The following CAMK1D variants were observed in gnomAD, a reference collection of about 807,000 sequenced individuals.
CAMK1D encodes the protein calcium/calmodulin-dependent protein kinase type 1D.
In CAMK1D, 9 loss-of-function variants were observed where a neutral mutation model predicts 47.7. The observed-to-expected ratio is 0.19, with a 90% CI of 0.11 to 0.33. The LOEUF is 0.33. Among genes scored for constraint, CAMK1D ranks in the 10% least tolerant of loss-of-function variants. The probability of loss-of-function intolerance (pLI) is 1.00; values close to 1 mark genes in which losing one functional copy is unlikely to be tolerated. For missense variants in CAMK1D, 291 were observed against 488.7 expected (o/e 0.60, Z 3.81); for synonymous variants, 184 against 184.9 (o/e 0.99, Z 0.04).
At chr10:12,723,557 A>C (rs140725199) in intron 3 of CAMK1D, among the ~76,000 whole-genome samples, 1 of 152,206 alleles carries the variant, frequency 6.6e-6, no homozygotes, top group Non-Finnish European at 1.5e-5. Flanking sequence ...ATGAACATGC[A>C]TCTTTTGCTA....
At chr10:12,387,363 TAA>T (rs1491351906) in intron 1 of CAMK1D, among the ~76,000 whole-genome samples, 2 of 86,228 alleles carry the variant, frequency 2.3e-5, no homozygotes, top group Non-Finnish European at 5.0e-5. Flanking sequence ...TTTATATATA[TAA>T]TATATATATT....
At chr10:12,386,201 G>C (rs937474176) in intron 1 of CAMK1D, among the ~76,000 whole-genome samples, 1 of 152,172 alleles carries the variant, frequency 6.6e-6, no homozygotes, top group African/African-American at 2.4e-5. Flanking sequence ...CACTTTGGTA[G>C]GCCAAGGTGG....
At chr10:12,575,998 G>A (rs1837478576) in intron 2 of CAMK1D, among the ~76,000 whole-genome samples, 1 of 152,190 alleles carries the variant, frequency 6.6e-6, no homozygotes, top group Non-Finnish European at 1.5e-5. Flanking sequence ...ATGTTACAAG[G>A]ATAAAACAAT....
At chr10:12,366,360 G>T (rs960010196) in intron 1 of CAMK1D, among the ~76,000 whole-genome samples, 1 of 151,976 alleles carries the variant, frequency 6.6e-6, no homozygotes, top group African/African-American at 2.4e-5. Flanking sequence ...AAGACAGTAA[G>T]AATCAGTTGT....
intron 3 of CAMK1D, among the ~76,000 whole-genome samples, chr10:12,696,505 C>A (rs1833303953): frequency 6.6e-6 from 1 of 152,170 alleles, no homozygotes; most frequent in Non-Finnish European, 1.5e-5. Context: ...CCATTGCACT[C>A]CAGCCTGGGC....
intron 3 of CAMK1D, among the ~76,000 whole-genome samples, chr10:12,738,580 C>G (rs560828833): frequency 1.3e-5 from 2 of 152,224 alleles, no homozygotes; most frequent in South Asian, 4.1e-4. Context: ...CACCTGTAAT[C>G]CCAGCACTTT....
At chr10:12,520,480 G>A (rs1390033576) in intron 1 of CAMK1D, among the ~76,000 whole-genome samples, 1,204 of 38,990 alleles carry the variant, frequency 0.031, no homozygotes, top group East Asian at 0.067. Flanking sequence ...TCACCTCCCA[G>A]ACGATGGGCG....
At chr10:12,581,704 A>G (rs896110765) in intron 2 of CAMK1D, among the ~76,000 whole-genome samples, 6 of 152,004 alleles carry the variant, frequency 3.9e-5, no homozygotes, top group Non-Finnish European at 8.8e-5. Flanking sequence ...AGAATTGTCT[A>G]TTCATGTCCT....
chr10:12,687,335 G>T (rs45574831), intron 3 of CAMK1D, among the ~76,000 whole-genome samples: 3 of 151,364 alleles, frequency 2.0e-5, no homozygotes, highest in Non-Finnish European at 4.4e-5. Flanking sequence ...TGCCTCCTGC[G>T]TTGTGCCCCA....
chr10:12,739,524 C>G (rs558103490), intron 3 of CAMK1D, among the ~76,000 whole-genome samples: 1 of 149,904 alleles, frequency 6.7e-6, no homozygotes, highest in Non-Finnish European at 1.5e-5. Context: ...CTCCTGACCT[C>G]GTGATCCACC....
intron 1 of CAMK1D, among the ~76,000 whole-genome samples, chr10:12,456,170 G>A (rs576029900): frequency 6.6e-6 from 1 of 152,202 alleles, no homozygotes; most frequent in African/African-American, 2.4e-5. Flanking sequence ...AACTAGGTTT[G>A]GGGATCCCCT....
chr10:12,532,847 G>A (rs1010873320), intron 1 of CAMK1D, among the ~76,000 whole-genome samples: 1 of 151,652 alleles, frequency 6.6e-6, no homozygotes, highest in Non-Finnish European at 1.5e-5. Flanking sequence ...GGCACAGAAA[G>A]ACAAACATCG....
chr10:12,555,923 T>C (rs932855076), intron 2 of CAMK1D, among the ~76,000 whole-genome samples: 1 of 152,160 alleles, frequency 6.6e-6, no homozygotes, highest in Admixed American at 6.5e-5. Context: ...ATGGTCTGCT[T>C]TAATTGTCTT....
intron 2 of CAMK1D, among the ~76,000 whole-genome samples, chr10:12,640,153 CTCT>C (rs1166308336): frequency 2.0e-5 from 3 of 152,148 alleles, no homozygotes; most frequent in African/African-American, 7.2e-5. Flanking sequence ...TCTTAGAAAA[CTCT>C]TCATTTGCTT....
At chr10:12,734,522 GTA>G (rs574153244) in intron 3 of CAMK1D, among the ~76,000 whole-genome samples, 2 of 136,838 alleles carry the variant, frequency 1.5e-5, no homozygotes, top group African/African-American at 5.7e-5. Context: ...ATATATACAC[GTA>G]TATATATACA....
chr10:12,383,861 C>T (rs1186940249), intron 1 of CAMK1D, among the ~76,000 whole-genome samples: 2 of 151,922 alleles, frequency 1.3e-5, no homozygotes, highest in African/African-American at 2.4e-5. Context: ...TTCTAGCCAG[C>T]GTAGTTAGAA....
At chr10:12,494,407 TACAC>T (rs1422630631) in intron 1 of CAMK1D, among the ~76,000 whole-genome samples, 2 of 152,150 alleles carry the variant, frequency 1.3e-5, no homozygotes, top group Admixed American at 6.6e-5. Context: ...ATATTAATGT[TACAC>T]ACACACGTAC....
chr10:12,667,965 A>G (rs2132557566), intron 3 of CAMK1D, among the ~76,000 whole-genome samples: 1 of 152,356 alleles, frequency 6.6e-6, no homozygotes, highest in South Asian at 2.1e-4. Flanking sequence ...CTCTCTGTCA[A>G]ATGGCAGTTC....
chr10:12,496,982 A>G (rs943360917), intron 1 of CAMK1D, among the ~76,000 whole-genome samples: 2 of 152,180 alleles, frequency 1.3e-5, no homozygotes, highest in African/African-American at 4.8e-5. Context: ...AAGTGAGAAC[A>G]TGCGGTGTTT....
Sources: gnomAD v4.1 joint callset for allele counts (sites outside exome capture counted in the v4.1 genomes callset) on GRCh38, gnomAD v4.1.1 for gene constraint, MANE v1.5 for transcripts, NCBI Gene and HGNC (gene_info 2026-07-23, HGNC 2026-07-21) for gene names.